The following VIT variants were observed in gnomAD, a reference collection of about 807,000 sequenced individuals.
VIT encodes the protein vitrin.
In VIT, 99 loss-of-function variants were observed where a neutral mutation model predicts 78.0. That is an observed-to-expected ratio of 1.27 (90% confidence interval 1.08 to 1.50). VIT has a LOEUF of 1.50. VIT is among the 40% of genes most tolerant of loss of function. The probability of loss-of-function intolerance (pLI) is 0.00; values close to 1 mark genes in which losing one functional copy is unlikely to be tolerated. For synonymous variants in VIT, 374 were observed against 334.3 expected (o/e 1.12, Z -1.29); for missense variants, 1,126 against 875.3 (o/e 1.29, Z -3.61).
chr2:36,738,826 G>A (rs1328446583), intron 3 of VIT, among the ~76,000 whole-genome samples: 1 of 152,168 alleles, frequency 6.6e-6, no homozygotes, highest in Non-Finnish European at 1.5e-5. Flanking sequence ...CTATGGAATG[G>A]CCTTAAGGAT....
chr2:36,701,889 T>C (rs559688127), intron 1 of VIT, among the ~76,000 whole-genome samples: 46 of 152,308 alleles, frequency 3.0e-4, no homozygotes, highest in Non-Finnish European at 5.1e-4. Flanking sequence ...CAAATATTTT[T>C]TGGGCCACCT....
intron 12 of VIT, chr2:36,787,853 G>A (rs1348168536): frequency 6.6e-6 from 3 of 455,520 alleles, no homozygotes; most frequent in Admixed American, 2.4e-5. Flanking sequence ...AAGAGAGACG[G>A]CCCCCATCAG....
chr2:36,783,249 G>A, intron 10 of VIT, 91 bp from the exon 11 acceptor site: 1 of 1,254,394 alleles, frequency 8.0e-7, no homozygotes, highest in Non-Finnish European at 1.1e-6. Context: ...CCCCAAGCTG[G>A]GTGTGAATAT....
intron 9 of VIT, 51 bp from the exon 10 acceptor site, chr2:36,781,676 G>C (rs1244222391): frequency 1.3e-6 from 2 of 1,597,802 alleles, no homozygotes; most frequent in Non-Finnish European, 1.7e-6. Flanking sequence ...AAGAGTTTCT[G>C]CTGGTTTGGT....
chr2:36,748,824 C>T (rs1668289674), intron 4 of VIT, among the ~76,000 whole-genome samples: 2 of 152,208 alleles, frequency 1.3e-5, no homozygotes, highest in African/African-American at 4.8e-5. Context: ...TGCATTGCCT[C>T]TCTATTGACT....
intron 4 of VIT, among the ~76,000 whole-genome samples, chr2:36,746,199 T>G (rs972939630): frequency 5.9e-5 from 9 of 152,156 alleles, no homozygotes; most frequent in Non-Finnish European, 8.8e-5. Context: ...GCTGCTGGAT[T>G]TGGTTTGCTA....
chr2:36,725,946 C>A (rs1666816557), intron 2 of VIT, among the ~76,000 whole-genome samples: 1 of 151,956 alleles, frequency 6.6e-6, no homozygotes, highest in African/African-American at 2.4e-5. Flanking sequence ...TGGTGTCCAC[C>A]TATAATCCCA....
intron 1 of VIT, among the ~76,000 whole-genome samples, chr2:36,708,310 C>T (rs554307441): frequency 6.6e-5 from 10 of 152,318 alleles, no homozygotes; most frequent in South Asian, 2.1e-4. Context: ...CCTCTTATAA[C>T]TCGTAAATGT....
chr2:36,756,688 A>G (rs1668787438), intron 5 of VIT, among the ~76,000 whole-genome samples: 1 of 152,246 alleles, frequency 6.6e-6, no homozygotes, highest in African/African-American at 2.4e-5. Context: ...TATCAACCGC[A>G]GTACTGTGGG....
At chr2:36,775,483 A>G (rs1474357898) in intron 9 of VIT, among the ~76,000 whole-genome samples, 2 of 152,094 alleles carry the variant, frequency 1.3e-5, no homozygotes, top group African/African-American at 4.8e-5. Context: ...TGCATCTTCA[A>G]TTTTTTACTG....
chr2:36,769,756 GT>G (rs1415387765), intron 7 of VIT, among the ~76,000 whole-genome samples: 1 of 152,092 alleles, frequency 6.6e-6, no homozygotes, highest in Non-Finnish European at 1.5e-5. Flanking sequence ...TATTCATAGG[GT>G]TGTGTGACCA....
rs1260715641 is a variant in VIT at position 36,787,301 on chromosome 2, C to A, written c.1058+25C>A. ...GGTAAGTGCAGTTAATGTTCTGAAT[C>A]CAGAAAGGAAGTCATGCCATGTGCT... On this transcript the variant is annotated intron_variant, in intron 12 of 15. Coordinates refer to ENST00000379242, the MANE Select transcript of VIT (RefSeq NM_053276.4). 2.5e-6 allele frequency: 4 copies of A among 1,596,410 alleles called. No homozygotes were observed. The South Asian group carries it at 4.5e-5, about 18-fold the overall frequency.
intron 4 of VIT, among the ~76,000 whole-genome samples, chr2:36,745,540 A>G (rs1246835165): frequency 6.6e-6 from 1 of 151,786 alleles, no homozygotes; most frequent in Non-Finnish European, 1.5e-5. Flanking sequence ...CCTCAGTTAG[A>G]TGTATTCCAA....
chr2:36,768,924 C>T (rs575379248), intron 7 of VIT, among the ~76,000 whole-genome samples: 23 of 152,168 alleles, frequency 1.5e-4, no homozygotes, highest in East Asian at 1.2e-3. Context: ...ATTTTATGGA[C>T]GACTCTTTGA....
At position 36,773,843 on chromosome 2, in the gene VIT, T is replaced by G. The variant is rs368409216; in HGVS notation, c.732T>G (p.Asp244Glu). The change falls in exon 8 of 16, where the codon GAT becomes GAG. Residue 244 changes from aspartate to glutamate, a missense_variant. Coordinates refer to ENST00000379242, the MANE Select transcript of VIT (RefSeq NM_053276.4). The stretch of plus-strand genomic sequence containing the variant: ...GCAGCCAAAACAGGCCCAGAGCTGA[T>G]CCAGGTAAGACCTTAAACTCCCTTT... ...YTSSQNRPRA[D>E]PGIQRQDPSG... 6 of 1,600,058 alleles carry G rather than the reference T, an allele frequency of 3.7e-6. No homozygotes were observed. The South Asian group carries it at 6.8e-5, about 18-fold the overall frequency.
chr2:36,712,661 C>T (rs1223071774), intron 1 of VIT, among the ~76,000 whole-genome samples: 1 of 152,128 alleles, frequency 6.6e-6, no homozygotes, highest in Non-Finnish European at 1.5e-5. Context: ...CATGCTAAAA[C>T]CCCGTCTGTA....
chr2:36,754,016 C>G (rs552865205), intron 4 of VIT, among the ~76,000 whole-genome samples: 1 of 152,180 alleles, frequency 6.6e-6, no homozygotes, highest in South Asian at 2.1e-4. Context: ...CTCCACAACT[C>G]AGGTATGCTG....
At chr2:36,718,118 C>A (rs1007475596) in intron 2 of VIT, among the ~76,000 whole-genome samples, 3 of 152,134 alleles carry the variant, frequency 2.0e-5, no homozygotes, top group African/African-American at 7.2e-5. Flanking sequence ...TCCAGTATGA[C>A]CTCATCCTAA....
chr2:36,801,453 T>G (rs1365115599), intron 13 of VIT, 49 bp downstream of exon 13: 7 of 1,442,326 alleles, frequency 4.9e-6, no homozygotes, highest in Non-Finnish European at 6.8e-6. Flanking sequence ...ATCGTTCTCT[T>G]TCTACGTGAT....
Sources: allele counts gnomAD v4.1 joint callset (sites outside exome capture counted in the v4.1 genomes callset), GRCh38; gene constraint gnomAD v4.1.1; transcripts MANE v1.5; gene names NCBI Gene and HGNC (gene_info 2026-07-23, HGNC 2026-07-21).